Variants in DAW1 observed in about 807,000 individuals in gnomAD.
The protein encoded by DAW1 is dynein assembly factor with WD repeats 1, also known as dynein assembly factor with WD repeat domains 1.
A neutral mutation model predicts 56.5 loss-of-function variants in DAW1; 47 were observed. The ratio of observed to expected loss-of-function variants is 0.83; its 90% CI spans 0.66 to 1.06. The LOEUF (loss-of-function observed/expected upper bound fraction) is 1.06. Among genes scored for constraint, DAW1 ranks in the 50% least tolerant of loss-of-function variants. The pLI, the probability that DAW1 is intolerant of heterozygous loss-of-function variation, is 0.00. For missense variants in DAW1, 505 were observed against 499.3 expected (o/e 1.01, Z -0.11); for synonymous variants, 190 against 179.0 (o/e 1.06, Z -0.49).
At chr2:227,921,176 G>A (rs1692097166) in intron 11 of DAW1, among the ~76,000 whole-genome samples, 1 of 152,086 alleles carries the variant, frequency 6.6e-6, no homozygotes, top group South Asian at 2.1e-4. Context: ...TGAGGAGTAG[G>A]CAATTACATT....
intron 1 of DAW1, among the ~76,000 whole-genome samples, chr2:227,882,813 C>T (rs1691040792): frequency 6.6e-6 from 1 of 152,154 alleles, no homozygotes; most frequent in Non-Finnish European, 1.5e-5. Context: ...TTGGTAGTTC[C>T]TCCTGCATTC....
chr2:227,904,912 A>G lies in DAW1; in HGVS notation c.649-17A>G. The G allele has an allele frequency of 3.7e-6, 6 of 1,603,190 alleles. No homozygotes were observed. Among genetic ancestry groups the G allele is most frequent in the East Asian group, 2.2e-5 (1 of 44,696 alleles). The stretch of plus-strand genomic sequence containing the variant: ...TTTATCTGCAGGTATACTTGACAGT[A>G]TCTGCTCTTTTTCTAGGGACATTCT... On this transcript the variant is annotated splice_polypyrimidine_tract_variant and intron_variant, in intron 7 of 12. Transcript: ENST00000309931.
intron 5 of DAW1, among the ~76,000 whole-genome samples, chr2:227,897,040 C>T (rs568070054): frequency 2.0e-5 from 3 of 148,766 alleles, no homozygotes; most frequent in Non-Finnish European, 3.0e-5. Flanking sequence ...GAGCTGAGAT[C>T]GCACCACTGA....
chr2:227,899,039 G>C (rs1161721058), intron 6 of DAW1, among the ~76,000 whole-genome samples: 3 of 152,162 alleles, frequency 2.0e-5, no homozygotes, highest in Non-Finnish European at 4.4e-5. Flanking sequence ...ACTCGAAACA[G>C]CTTTCACTAT....
At chr2:227,900,841 G>A (rs943695039) in intron 6 of DAW1, among the ~76,000 whole-genome samples, 1 of 152,188 alleles carries the variant, frequency 6.6e-6, no homozygotes, top group East Asian at 1.9e-4. Flanking sequence ...CCAGCTGCCT[G>A]AGTTAAAAGT....
intron 12 of DAW1, among the ~76,000 whole-genome samples, chr2:227,923,231 A>G (rs1256501526): frequency 1.3e-5 from 2 of 152,202 alleles, no homozygotes; most frequent in African/African-American, 4.8e-5. Flanking sequence ...ATTTGAAAGA[A>G]TCTACTCTAT....
At chr2:227,908,199 G>A (rs12162286) in intron 10 of DAW1, among the ~76,000 whole-genome samples, 1 of 152,092 alleles carries the variant, frequency 6.6e-6, no homozygotes, top group South Asian at 2.1e-4. Flanking sequence ...TTTCTACACT[G>A]TATCTGCATC....
intron 4 of DAW1, 130 bp from the exon 5 acceptor site, chr2:227,893,665 C>T (rs1383867090): frequency 2.9e-6 from 4 of 1,386,120 alleles, no homozygotes; most frequent in African/African-American, 1.5e-5. Context: ...GAGCGAGACT[C>T]CCTCTTAAAC....
chr2:227,895,852 G>A (rs867083210), intron 5 of DAW1, among the ~76,000 whole-genome samples: 1 of 152,192 alleles, frequency 6.6e-6, no homozygotes, highest in Non-Finnish European at 1.5e-5. Flanking sequence ...GGGTTTGGAT[G>A]TGAGAAGAAA....
At position 227,893,838 on chromosome 2, in the gene DAW1, A is replaced by G; in HGVS notation, c.361A>G (p.Thr121Ala). The change falls in exon 5 of 13, where the codon ACT becomes GCT. Residue 121 changes from threonine (T) to alanine (A), a missense_variant. Physicochemically the swap from Thr to Ala is moderately conservative, Grantham distance 58. Coordinates refer to ENST00000309931, the MANE Select transcript of DAW1 (RefSeq NM_178821.3). ...SYDRTCKLWD[T>A]ASGEELNTLE... is the part of the protein sequence containing the mutation. ...TGATCGGACGTGCAAGCTCTGGGACACTGCGTCTGGAGAGGAGCTGAACAC... is the reference window on the plus strand; with the variant it reads ...TGATCGGACGTGCAAGCTCTGGGACGCTGCGTCTGGAGAGGAGCTGAACAC... 1 of 1,613,684 alleles carries G rather than the reference A, an allele frequency of 6.2e-7. No individual in the cohort carries two copies. The highest frequency in any genetic ancestry group is 1.1e-5 in the South Asian group (1 of 91,058).
chr2:227,871,665 C>T lies in DAW1; in HGVS notation c.-25C>T, dbSNP rs1242636195. ...CCGTTTCCAAGGCTACGAAGCCCAT[C>T]GGCCGGGGATAAGAGAGCAAGAAAA... On this transcript the variant is annotated 5_prime_UTR_variant, in exon 1 of 13. Transcript: ENST00000309931. The T allele has an allele frequency of 3.1e-6, 5 of 1,611,754 alleles. No homozygotes were observed. The highest frequency in any genetic ancestry group is 4.2e-6 in the Non-Finnish European group (5 of 1,179,004).
chr2:227,887,136 T>C (rs557658937), intron 2 of DAW1, among the ~76,000 whole-genome samples: 1 of 152,194 alleles, frequency 6.6e-6, no homozygotes, highest in Non-Finnish European at 1.5e-5. Context: ...TGATGGTCTA[T>C]GTAGGGTCCA....
chr2:227,917,055 G>T (rs1001717631), intron 10 of DAW1, among the ~76,000 whole-genome samples: 2 of 151,910 alleles, frequency 1.3e-5, no homozygotes, highest in Admixed American at 1.3e-4. Flanking sequence ...TTATCTCTCT[G>T]ACAACATGTG....
intron 1 of DAW1, among the ~76,000 whole-genome samples, chr2:227,875,023 G>A (rs1690847533): frequency 6.6e-6 from 1 of 151,726 alleles, no homozygotes. Flanking sequence ...GCATAGTCCT[G>A]AGTACCTGAG....
Position 227,871,731 on chromosome 2 carries a change from T to G in DAW1, c.40+2T>G. 1 of 1,613,926 alleles carries G rather than the reference T, an allele frequency of 6.2e-7. No individual in the cohort carries two copies. Among genetic ancestry groups the G allele is most frequent in the Non-Finnish European group, 8.5e-7 (1 of 1,179,936 alleles). ...TCCTGCTCCGGTATTACCCGCCAGG[T>G]ACGCACCAGCCCGGCCCCGTCATCC... On this transcript the variant is annotated splice_donor_variant, in intron 1 of 12. Transcript: ENST00000309931. LOFTEE classifies it high-confidence loss of function.
In DAW1 at chr2:227,906,313, CT is replaced by C; in HGVS notation, c.834del (p.Gly279AlafsTer21). ...SFNWDCSLIL[T>X]GSMDKTCKLW... Reference sequence around the variant, plus strand: ...AATTGGGATTGCTCTCTAATATTAACTGGCTCTATGGACAAAACCTGCAAGG... The same window carrying C: ...AATTGGGATTGCTCTCTAATATTAACGGCTCTATGGACAAAACCTGCAAGG... On this transcript the variant is annotated frameshift_variant, in exon 9 of 13. Coordinates refer to ENST00000309931, the MANE Select transcript of DAW1 (RefSeq NM_178821.3). LOFTEE classifies it high-confidence loss of function. 1 of 1,612,040 alleles carries C rather than the reference CT, an allele frequency of 6.2e-7. No individual in the cohort carries two copies. The highest frequency in any genetic ancestry group is 1.7e-4 in the Middle Eastern group (1 of 6,054).
At position 227,918,187 on chromosome 2, in the gene DAW1, C is replaced by CCATCCAT. The variant is rs1553604213; in HGVS notation, c.974-591_974-585dup. On this transcript the variant is annotated intron_variant, in intron 10 of 12. Coordinates refer to ENST00000309931, the MANE Select transcript of DAW1 (RefSeq NM_178821.3). ...ATCCATCCATCATCCATCCATCCAT[C>CCATCCAT]CATCCATCCATCCATCCATCCATCC... Among the ~76,000 whole-genome samples the CCATCCAT allele has an allele frequency of 5.0e-3, 477 of 96,034 alleles. 2 individuals are homozygous for CCATCCAT. The highest frequency in any genetic ancestry group is 8.7e-3 in the South Asian group (28 of 3,220). 63.0% of individuals were successfully genotyped at this position (96,034 alleles called of 152,430 possible).
At chr2:227,920,786 C>T (rs995285274) in intron 11 of DAW1, among the ~76,000 whole-genome samples, 3 of 152,138 alleles carry the variant, frequency 2.0e-5, no homozygotes, top group South Asian at 4.1e-4. Flanking sequence ...AAGCGATTCT[C>T]CTGCCTCAGC....
At chr2:227,909,232 T>TTATCTATCTATCTATCTATC (rs3057690) in intron 10 of DAW1, among the ~76,000 whole-genome samples, 138 of 138,868 alleles carry the variant, frequency 9.9e-4, no homozygotes, top group East Asian at 3.6e-3. Flanking sequence ...GGTGGTGATA[T>TTATCTATCTATCTATCTATC]TATCTATCTA....
Sources: allele counts gnomAD v4.1 joint callset (sites outside exome capture counted in the v4.1 genomes callset), GRCh38; gene constraint gnomAD v4.1.1; transcripts MANE v1.5; gene names NCBI Gene and HGNC (gene_info 2026-07-23, HGNC 2026-07-21).